HS3ST5: variants seen among roughly 807,000 people sequenced by gnomAD.
HS3ST5 encodes heparan sulfate glucosamine 3-O-sulfotransferase 5.
HS3ST5 carries 10 observed loss-of-function variants against 25.4 expected under a neutral mutation model. The ratio of observed to expected loss-of-function variants is 0.39; its 90% CI spans 0.24 to 0.67. The LOEUF is 0.67. HS3ST5 is among the 30% of genes least tolerant of loss of function. HS3ST5 has a pLI of 0.44. For missense variants in HS3ST5, 324 were observed against 420.7 expected (o/e 0.77, Z 2.01); for synonymous variants, 170 against 162.4 (o/e 1.05, Z -0.36).
intron 3 of HS3ST5, chr6:114,142,696 T>C (rs1037114949): frequency 1.3e-5 from 2 of 152,212 alleles, no homozygotes. Flanking sequence ...TAAGAGAAGC[T>C]AACATAACTT....
At chr6:114,198,741 CAT>C (rs1780876651) in intron 2 of HS3ST5, among the ~76,000 whole-genome samples, 1 of 151,954 alleles carries the variant, frequency 6.6e-6, no homozygotes, top group Admixed American at 6.6e-5. Context: ...CTTTGTAAAT[CAT>C]GTGGTTATAA....
intron 2 of HS3ST5, among the ~76,000 whole-genome samples, chr6:114,206,826 G>A (rs140862955): frequency 1.1e-4 from 16 of 152,240 alleles, no homozygotes; most frequent in Admixed American, 2.0e-4. Context: ...AATCCTGAAA[G>A]AGGCCAAAAA....
intron 3 of HS3ST5, among the ~76,000 whole-genome samples, chr6:114,108,981 G>A (rs886431024): frequency 5.9e-5 from 9 of 152,076 alleles, no homozygotes; most frequent in African/African-American, 1.9e-4. Context: ...TGGGCAACAT[G>A]GCAAAACCCC....
At chr6:114,225,240 T>C (rs1026826612) in intron 2 of HS3ST5, among the ~76,000 whole-genome samples, 11 of 151,794 alleles carry the variant, frequency 7.2e-5, no homozygotes, top group African/African-American at 2.7e-4. Context: ...CCTTCAAATA[T>C]TTCTCTACTC....
intron 4 of HS3ST5, among the ~76,000 whole-genome samples, chr6:114,060,013 T>G (rs1294384677): frequency 7.1e-6 from 1 of 141,400 alleles, no homozygotes; most frequent in Non-Finnish European, 1.6e-5. Context: ...TATAGACAAC[T>G]TTTTTTTCTT....
intron 1 of HS3ST5, among the ~76,000 whole-genome samples, chr6:114,252,866 T>G (rs777255836): frequency 2.0e-5 from 3 of 152,156 alleles, no homozygotes; most frequent in Non-Finnish European, 4.4e-5. Flanking sequence ...TACACAATTT[T>G]AAATTTCCTG....
At chr6:114,189,757 G>A (rs764926114) in intron 2 of HS3ST5, among the ~76,000 whole-genome samples, 5 of 151,952 alleles carry the variant, frequency 3.3e-5, no homozygotes, top group Non-Finnish European at 4.4e-5. Context: ...AAGGTGTTTC[G>A]GTCTGGTTTT....
At chr6:114,096,280 T>C (rs1317948767) in intron 3 of HS3ST5, among the ~76,000 whole-genome samples, 2 of 152,196 alleles carry the variant, frequency 1.3e-5, no homozygotes, top group African/African-American at 2.4e-5. Flanking sequence ...GTTAGATGGC[T>C]GCCTCAGTGA....
intron 1 of HS3ST5, among the ~76,000 whole-genome samples, chr6:114,322,413 T>C (rs1776005417): frequency 6.6e-6 from 1 of 152,132 alleles, no homozygotes; most frequent in African/African-American, 2.4e-5. Flanking sequence ...GCTTTTTCCT[T>C]GTACTGTGTT....
At chr6:114,080,963 A>T (rs1441245681) in intron 3 of HS3ST5, among the ~76,000 whole-genome samples, 2 of 152,226 alleles carry the variant, frequency 1.3e-5, no homozygotes, top group African/African-American at 4.8e-5. Flanking sequence ...GTAATAAAAA[A>T]TAAAATGAGA....
At chr6:114,295,885 T>A (rs1774798592) in intron 1 of HS3ST5, among the ~76,000 whole-genome samples, 1 of 152,104 alleles carries the variant, frequency 6.6e-6, no homozygotes. Context: ...TAGTCATAAG[T>A]GGAAGGGAGT....
chr6:114,167,386 A>G (rs764603563), intron 3 of HS3ST5: 13 of 152,216 alleles, frequency 8.5e-5, no homozygotes, highest in Non-Finnish European at 1.6e-4. Context: ...TAGACACAGT[A>G]GTAAGTAGGC....
intron 1 of HS3ST5, among the ~76,000 whole-genome samples, chr6:114,241,073 T>G (rs1474973578): frequency 1.3e-5 from 2 of 151,692 alleles, no homozygotes; most frequent in Non-Finnish European, 2.9e-5. Flanking sequence ...GATTCATACC[T>G]TTTAAAAGAA....
chr6:114,326,812 C>A (rs1052456862), intron 1 of HS3ST5, among the ~76,000 whole-genome samples: 1 of 151,672 alleles, frequency 6.6e-6, no homozygotes, highest in Non-Finnish European at 1.5e-5. Context: ...CCCTTGAATC[C>A]TGTAAACTTC....
intron 2 of HS3ST5, among the ~76,000 whole-genome samples, chr6:114,179,401 C>T (rs1174739395): frequency 2.0e-5 from 3 of 152,116 alleles, no homozygotes; most frequent in Admixed American, 6.6e-5. Context: ...TTAATCCTCA[C>T]AACAACTATG....
At position 114,057,710 on chromosome 6, in the gene HS3ST5, C is replaced by T. The variant is rs1406209945; in HGVS notation, c.588G>A (p.Val196=). 1 of 1,614,170 alleles carries T rather than the reference C, an allele frequency of 6.2e-7. No individual in the cohort carries two copies. The highest frequency in any genetic ancestry group is 1.7e-5 in the Admixed American group (1 of 60,020). The change falls in exon 5 of 5, where the codon GTG becomes GTA. Residue 196 remains valine (V), a synonymous_variant. Transcript: ENST00000312719. ...TTRAISDYTQ[V]LEGKERKNKT... ...TGTTCTTCCTCTCCTTCCCCTCTAG[C>T]ACCTGAGTATAATCAGAAATAGCTC...
chr6:114,068,080 T>TA (rs1562182789), intron 3 of HS3ST5, among the ~76,000 whole-genome samples: 1 of 152,202 alleles, frequency 6.6e-6, no homozygotes, highest in African/African-American at 2.4e-5. Context: ...GAAAAAGAAT[T>TA]AAAAAATGCA....
intron 3 of HS3ST5, among the ~76,000 whole-genome samples, chr6:114,095,170 G>C (rs1008152038): frequency 2.0e-5 from 3 of 152,166 alleles, no homozygotes; most frequent in Admixed American, 6.5e-5. Flanking sequence ...ACACAGCATA[G>C]AAAGCAAATA....
chr6:114,096,704 GTAAC>G (rs1295907076), intron 3 of HS3ST5, among the ~76,000 whole-genome samples: 7 of 152,102 alleles, frequency 4.6e-5, no homozygotes, highest in African/African-American at 1.7e-4. Flanking sequence ...AGTAAGGAAA[GTAAC>G]TAACTTTATT....
Sources: gnomAD v4.1 joint callset for allele counts (sites outside exome capture counted in the v4.1 genomes callset) on GRCh38, gnomAD v4.1.1 for gene constraint, MANE v1.5 for transcripts, NCBI Gene and HGNC (gene_info 2026-07-23, HGNC 2026-07-21) for gene names.